The following ASPH variants were observed in gnomAD, a reference collection of about 807,000 sequenced individuals.
The protein encoded by ASPH is aspartate beta-hydroxylase, also known as aspartyl/asparaginyl beta-hydroxylase.
A neutral mutation model predicts 118.4 loss-of-function variants in ASPH; 100 were observed. The observed-to-expected ratio is 0.84, with a 90% CI of 0.72 to 1.00. The LOEUF (loss-of-function observed/expected upper bound fraction) is 1.00. Ranked by LOEUF, ASPH falls within the 50% of genes least tolerant of loss-of-function variation. ASPH has a pLI of 0.00. For synonymous variants in ASPH, 315 were observed against 325.6 expected, an observed-to-expected ratio of 0.97 and a Z score of 0.35; for missense variants, 920 against 919.5, an observed-to-expected ratio of 1.00 and a Z score of -0.01.
intron 6 of ASPH, among the ~76,000 whole-genome samples, chr8:61,645,551 CAT>C (rs1222049007): frequency 6.6e-6 from 1 of 152,168 alleles, no homozygotes; most frequent in African/African-American, 2.4e-5. Flanking sequence ...GAAATCATGA[CAT>C]AAATGATTAC....
intron 13 of ASPH, chr8:61,625,055 T>C: frequency 7.1e-6 from 7 of 985,832 alleles, no homozygotes; most frequent in Non-Finnish European, 8.4e-6. Context: ...TCACCTTATC[T>C]TAATGTTAAC....
rs1030293237 is a variant in ASPH at position 61,573,478 on chromosome 8, A to G, written c.1149+3294T>C. On this transcript the variant is annotated intron_variant, in intron 16 of 24. Coordinates refer to ENST00000379454, the MANE Select transcript of ASPH (RefSeq NM_004318.4). ...ACTTCAAACTACACTACAAGGCTAT[A>G]GTAACCAAAACAGCATTGTACTGGT... Among the ~76,000 whole-genome samples the G allele has an allele frequency of 2.0e-5, 3 of 152,254 alleles. No individual in the cohort carries two copies. The East Asian group carries it at 5.8e-4, about 29-fold the overall frequency.
intron 16 of ASPH, among the ~76,000 whole-genome samples, chr8:61,576,431 T>C (rs979141534): frequency 3.3e-5 from 5 of 152,220 alleles, no homozygotes; most frequent in Non-Finnish European, 7.3e-5. Context: ...CCTCCAGTTA[T>C]AAAACTGAGA....
Position 61,684,137 on chromosome 8 carries a change from G to A in ASPH, c.155C>T (p.Thr52Ile). 6.2e-7 allele frequency: 1 copy of A among 1,613,518 alleles called. No homozygotes were observed. Among genetic ancestry groups the A allele is most frequent in the African/African-American group, 1.3e-5 (1 of 74,986 alleles). ...KNGRKGGLSGTSFFTWFMVIA... is the reference protein window; with the variant it reads ...KNGRKGGLSGISFFTWFMVIA... ...CACCATAAACCACGTGAAGAATGAA[G>A]TTCCTGAGAGTCCGCCTTTCCTCCC... Residue 52 changes from threonine (T) to isoleucine (I), a missense_variant, in exon 2 of 25, where the codon ACT becomes ATT. Physicochemically the swap from Thr to Ile is moderately conservative, Grantham distance 89. Transcript: ENST00000379454.
intron 22 of ASPH, 55 bp downstream of exon 22, chr8:61,525,922 C>T: frequency 1.2e-6 from 2 of 1,607,546 alleles, no homozygotes; most frequent in East Asian, 2.2e-5. Flanking sequence ...CTTGTCAGTA[C>T]CCACTTCCCA....
In ASPH at chr8:61,593,010, C is replaced by A. The variant is rs182199193; in HGVS notation, c.977-8981G>T. On this transcript the variant is annotated intron_variant, in intron 14 of 24. Transcript: ENST00000379454. ...AGCAAACCTGAATCTACGAGTGTTC[C>A]TACAGGCGGGGGATGTGGGTAGGCG... Among the ~76,000 whole-genome samples the A allele has an allele frequency of 5.3e-5, 8 of 152,288 alleles. No individual in the cohort carries two copies. In the East Asian group the frequency reaches 1.5e-3, roughly 29 times the overall value.
At chr8:61,638,078 T>G in intron 11 of ASPH, 75 bp from the exon 12 acceptor site, 2 of 1,420,246 alleles carry the variant, frequency 1.4e-6, no homozygotes, top group Non-Finnish European at 9.6e-7. Flanking sequence ...CTCGCCTTCA[T>G]TCAGATTCCT....
intron 14 of ASPH, among the ~76,000 whole-genome samples, chr8:61,601,743 A>C (rs1002967463): frequency 1.3e-5 from 2 of 151,408 alleles, no homozygotes; most frequent in Non-Finnish European, 2.9e-5. Flanking sequence ...ACCGATCAAG[A>C]AAAAGAGAGA....
chr8:61,505,851 G>A (rs1806338340), intron 24 of ASPH, among the ~76,000 whole-genome samples: 1 of 152,162 alleles, frequency 6.6e-6, no homozygotes, highest in East Asian at 1.9e-4. Context: ...GGGGAAATAC[G>A]CTGACAAGAA....
At position 61,506,310 on chromosome 8, in the gene ASPH, G is replaced by A. The variant is rs556386280; in HGVS notation, c.2127-2801C>T. The stretch of plus-strand genomic sequence containing the variant: ...AGAGAGAGAAAGGAGAAGAGTGGTT[G>A]CCAGTGGCCGGTGGGAGGACGGGAA... On this transcript the variant is annotated intron_variant, in intron 24 of 24. Transcript: ENST00000379454. Among the ~76,000 whole-genome samples, 87 of 152,288 alleles carry A rather than the reference G, an allele frequency of 5.7e-4. 1 individual carries two copies. In the Middle Eastern group the frequency reaches 0.027, roughly 48 times the overall value.
At chr8:61,668,109 C>A (rs1820611787) in intron 3 of ASPH, 3 of 906,664 alleles carry the variant, frequency 3.3e-6, no homozygotes, top group South Asian at 1.8e-5. Context: ...TAAGTTGCAC[C>A]CAAGCAAGAC....
chr8:61,586,987 A>G (rs1362016360), intron 14 of ASPH, among the ~76,000 whole-genome samples: 1 of 152,222 alleles, frequency 6.6e-6, no homozygotes, highest in East Asian at 1.9e-4. Flanking sequence ...TGTCTGGAGC[A>G]GTGGGTATGT....
chr8:61,543,684 T>C (rs1297019487), intron 21 of ASPH, among the ~76,000 whole-genome samples: 1 of 152,208 alleles, frequency 6.6e-6, no homozygotes, highest in Non-Finnish European at 1.5e-5. Flanking sequence ...CCTATTTCTT[T>C]GTGTGTCATA....
chr8:61,563,322 C>T (rs143116714), intron 17 of ASPH, among the ~76,000 whole-genome samples: 58 of 152,266 alleles, frequency 3.8e-4, no homozygotes, highest in African/African-American at 1.3e-3. Flanking sequence ...CACCAAAGTA[C>T]ATAGGACAGT....
intron 15 of ASPH, chr8:61,578,070 A>T (rs1835945678): frequency 1.1e-6 from 1 of 875,828 alleles, no homozygotes. Flanking sequence ...ATCAAAAGCA[A>T]ATCAGTTACT....
intron 19 of ASPH, among the ~76,000 whole-genome samples, chr8:61,553,975 T>A (rs888605079): frequency 1.3e-5 from 2 of 152,242 alleles, no homozygotes; most frequent in African/African-American, 4.8e-5. Context: ...GGGAAAGGCA[T>A]CATCACTCAG....
At position 61,629,372 on chromosome 8, in the gene ASPH, G is replaced by A. The variant is rs937134371; in HGVS notation, c.934+4311C>T. On this transcript the variant is annotated intron_variant, in intron 13 of 24. Coordinates refer to ENST00000379454, the MANE Select transcript of ASPH (RefSeq NM_004318.4). ...TTCACAAGTAATTCCTTCATAAGTC[G>A]TTCCATTTGTGTTGTGTATATTTAT... 2.6e-5 allele frequency among the ~76,000 whole-genome samples: 4 copies of A among 152,152 alleles called. No homozygotes were observed. In the East Asian group the frequency reaches 5.8e-4, roughly 22 times the overall value.
intron 15 of ASPH, chr8:61,579,657 A>T: frequency 6.8e-7 from 1 of 1,472,448 alleles, no homozygotes; most frequent in Non-Finnish European, 9.4e-7. Context: ...GTCCTCTGAC[A>T]TCCTGCCCAA....
At chr8:61,625,207 A>C (rs1852304893) in intron 13 of ASPH, 3 of 985,598 alleles carry the variant, frequency 3.0e-6, no homozygotes, top group Non-Finnish European at 3.6e-6. Context: ...ATTATTTCTG[A>C]GCCCAAAATA....
Sources: gnomAD v4.1 joint callset for allele counts (sites outside exome capture counted in the v4.1 genomes callset) on GRCh38, gnomAD v4.1.1 for gene constraint, MANE v1.5 for transcripts, NCBI Gene and HGNC (gene_info 2026-07-23, HGNC 2026-07-21) for gene names.